Variants in GPRIN2 observed in about 807,000 individuals in gnomAD.
The protein encoded by GPRIN2 is G protein-regulated inducer of neurite outgrowth 2.
In GPRIN2, 1 loss-of-function variant was observed where a neutral mutation model predicts 0.3. The observed-to-expected ratio is 3.90, with a 90% CI of 1.39 to 18.51. The LOEUF (loss-of-function observed/expected upper bound fraction) is 18.51, where lower values mean the gene tolerates loss of function less well. GPRIN2 is among the 30% of genes most tolerant of loss of function. The pLI is 0.11. For missense variants in GPRIN2, 880 were observed against 604.2 expected (o/e 1.46, Z -4.79); for synonymous variants, 361 against 258.6 (o/e 1.40, Z -3.80).
At chr10:46,557,403 C>T (rs1843360158), upstream of GPRIN2, among the ~76,000 whole-genome samples, 1 of 152,298 alleles carries the variant, frequency 6.6e-6, no homozygotes, top group Admixed American at 6.5e-5. Flanking sequence ...CCTAGGGTTG[C>T]ATCTCCAGCC....
rs1555021132 is a variant in GPRIN2 at position 46,550,746 on chromosome 10, C to T, written c.-6-4G>A. On this transcript the variant is annotated splice_polypyrimidine_tract_variant and splice_region_variant and intron_variant, in intron 2 of 2. Transcript: ENST00000374314. ...GGCGGCTGGAGCTCATGGCTGCCTG[C>T]AGAAGAGAGAAAGGGAGGGAGTGGA... The T allele has an allele frequency of 1.3e-6, 2 of 1,500,294 alleles. No homozygotes were observed. The highest frequency in any genetic ancestry group is 2.4e-5 in the Admixed American group (1 of 42,284). The allele number at this position is 1,500,294 out of a possible 1,614,324, so 92.9% of individuals were successfully genotyped here.
In GPRIN2 at chr10:46,550,577, C is replaced by T. The variant is rs1832318300; in HGVS notation, c.160G>A (p.Glu54Lys). 791 of 1,584,214 alleles carry T rather than the reference C, an allele frequency of 5.0e-4. No homozygotes were observed. Among genetic ancestry groups the T allele is most frequent in the South Asian group, 8.0e-4 (69 of 85,884 alleles). The change falls in exon 3 of 3, where the codon GAG (glutamate) becomes AAG (lysine). Residue 54 changes from glutamate to lysine, a missense_variant. Transcript: ENST00000374314. ...SSTVWQAQLGEASTRPQAPEE... is the reference protein window; with the variant it reads ...SSTVWQAQLGKASTRPQAPEE... ...GGGGCCTGGGGTCTGGTGCTGGCCT[C>T]GCCCAGCTGGGCCTGCCACACGGTG...
chr10:46,551,353 C>A, intron 2 of GPRIN2: 2 of 976,986 alleles, frequency 2.0e-6, no homozygotes, highest in Non-Finnish European at 1.2e-6. Flanking sequence ...TCCACAACCA[C>A]CCCCATCCTC....
intron 1 of GPRIN2, among the ~76,000 whole-genome samples, 54 bp downstream of exon 1, chr10:46,556,444 T>C (rs1843238813): frequency 6.6e-6 from 1 of 152,192 alleles, no homozygotes; most frequent in African/African-American, 2.4e-5. Flanking sequence ...AAGGGGGAGG[T>C]GCCGCCCACC....
Position 46,550,180 on chromosome 10 carries a change from G to A in GPRIN2, c.557C>T (p.Ala186Val), listed in dbSNP as rs1555019200. The A allele has an allele frequency of 1.3e-6, 2 of 1,599,310 alleles. No individual in the cohort carries two copies. Among genetic ancestry groups the A allele is most frequent in the Admixed American group, 1.7e-5 (1 of 59,206 alleles). Reference protein sequence around the residue: ...LAPEDETSNSAWMLGASQLSV... With the variant: ...LAPEDETSNSVWMLGASQLSV... ...CAACTGACTCGCCCCCAGCATCCAG[G>A]CTGAGTTAGAAGTCTCATCCTCAGG... Residue 186 changes from alanine to valine, a missense_variant, in exon 3 of 3, where the codon GCC becomes GTC. By Grantham distance (64) the Ala-to-Val change is moderately conservative. Coordinates refer to ENST00000374314, the MANE Select transcript of GPRIN2 (RefSeq NM_001385282.1).
rs2133147526 is a variant in GPRIN2, at chr10:46,543,154, G to A, written c.*6206C>T. Among the ~76,000 whole-genome samples the A allele has an allele frequency of 6.6e-6, 1 of 152,428 alleles. No individual in the cohort carries two copies. Among genetic ancestry groups the A allele is most frequent in the South Asian group, 2.1e-4 (1 of 4,834 alleles). On this transcript the variant is annotated 3_prime_UTR_variant, in exon 3 of 3. Transcript: ENST00000374314. Reference sequence around the variant, plus strand: ...TTTGTGTCCAAAGAGGGGAAGGACAGGTGGAGAGAAAGGGCCTAGACCCAT... The same window carrying A: ...TTTGTGTCCAAAGAGGGGAAGGACAAGTGGAGAGAAAGGGCCTAGACCCAT...
chr10:46,546,414 T>C lies in GPRIN2; in HGVS notation c.*2946A>G, dbSNP rs1842165511. On this transcript the variant is annotated 3_prime_UTR_variant, in exon 3 of 3. Transcript: ENST00000374314. ...GGTTTATGCTCCAAAGAACAGAATT[T>C]ACCAGGACAAAATAAACAAGACCAG... 6.6e-6 allele frequency among the ~76,000 whole-genome samples: 1 copy of C among 152,304 alleles called. No individual in the cohort carries two copies. Among genetic ancestry groups the C allele is most frequent in the African/African-American group, 2.4e-5 (1 of 41,486 alleles).
chr10:46,550,370 C>A lies in GPRIN2; in HGVS notation c.367G>T (p.Asp123Tyr). 6.2e-7 allele frequency: 1 copy of A among 1,612,688 alleles called. No individual in the cohort carries two copies. ...CGCATCTGGGTGCTACGGACCAGGT[C>A]TGAATGGCTCCTCTGCATAGCAGCA... is the stretch of plus-strand genomic sequence containing the variant. Reference protein sequence around the residue: ...SAAAMQRSHSDLVRSTQMRGH... With the variant: ...SAAAMQRSHSYLVRSTQMRGH... Residue 123 changes from aspartate to tyrosine, a missense_variant, in exon 3 of 3, where the codon GAC (aspartate) becomes TAC (tyrosine). Asp to Tyr is a radical substitution (Grantham distance 160, BLOSUM62 -3). Transcript: ENST00000374314.
intron 1 of GPRIN2, among the ~76,000 whole-genome samples, 127 bp downstream of exon 1, chr10:46,556,371 A>C (rs1443363464): frequency 6.6e-6 from 1 of 152,306 alleles, no homozygotes; most frequent in Non-Finnish European, 1.5e-5. Flanking sequence ...GGCGCTGGGC[A>C]GGGGCCAGGA....
In GPRIN2 at chr10:46,549,307, C is replaced by A; in HGVS notation, c.*53G>T. 2.7e-5 allele frequency: 39 copies of A among 1,446,856 alleles called. No homozygotes were observed. The highest frequency in any genetic ancestry group is 3.4e-5 in the Non-Finnish European group (37 of 1,099,094). The allele number at this position is 1,446,856 out of a possible 1,614,324, so 89.6% of individuals were successfully genotyped here. On this transcript the variant is annotated 3_prime_UTR_variant, in exon 3 of 3. Coordinates refer to ENST00000374314, the MANE Select transcript of GPRIN2 (RefSeq NM_001385282.1). ...CACGGAGCCCCCACCGTCCCTGGCC[C>A]AGGTCTAGGACTAAGTCAGTGGGCC...
intron 1 of GPRIN2, chr10:46,555,331 G>A (rs1843067952): frequency 6.4e-6 from 1 of 155,074 alleles, no homozygotes; most frequent in Admixed American, 6.5e-5. Context: ...AAACCTATAT[G>A]ATCAGGCAGG....
rs1832850177 is a variant in GPRIN2, at chr10:46,547,449, C to T, written c.*1911G>A. The stretch of plus-strand genomic sequence containing the variant: ...CCTGGTCACCTCCCAACCCAACAAA[C>T]GCTCCAAATGAGCCGCCACTGCAGA... On this transcript the variant is annotated 3_prime_UTR_variant, in exon 3 of 3. Coordinates refer to ENST00000374314, the MANE Select transcript of GPRIN2 (RefSeq NM_001385282.1). Among the ~76,000 whole-genome samples, 61 of 152,374 alleles carry T rather than the reference C, an allele frequency of 4.0e-4. No individual in the cohort carries two copies. The highest frequency in any genetic ancestry group is 9.8e-4 in the Admixed American group (15 of 15,306).
chr10:46,549,850 A>C lies in GPRIN2; in HGVS notation c.887T>G (p.Leu296Arg). 1 of 1,614,268 alleles carries C rather than the reference A, an allele frequency of 6.2e-7. No individual in the cohort carries two copies. The highest frequency in any genetic ancestry group is 1.1e-5 in the South Asian group (1 of 91,092). Residue 296 changes from leucine (L) to arginine (R), a missense_variant, in exon 3 of 3, where the codon CTT becomes CGT. Physicochemically the swap from Leu to Arg is moderately radical, Grantham distance 102. Transcript: ENST00000374314. ...LPGHSHCCAH[L>R]WGPAGLVPEP... Reference sequence around the variant, plus strand: ...TGGGACTAACCCAGCGGGACCCCAAAGGTGGGCACAGCAATGGGAATGCCC... The same window carrying C: ...TGGGACTAACCCAGCGGGACCCCAACGGTGGGCACAGCAATGGGAATGCCC...
rs1256725850 is a variant in GPRIN2, at chr10:46,544,204, C to G, written c.*5156G>C. On this transcript the variant is annotated 3_prime_UTR_variant, in exon 3 of 3. Transcript: ENST00000374314. Reference sequence around the variant, plus strand: ...CCTCAGTCACTTCCCAGAAACCACACAGAGGAGCCCGGGTGTGCCAGAAAC... The same window carrying G: ...CCTCAGTCACTTCCCAGAAACCACAGAGAGGAGCCCGGGTGTGCCAGAAAC... 6.6e-6 allele frequency among the ~76,000 whole-genome samples: 1 copy of G among 152,304 alleles called. No homozygotes were observed. The highest frequency in any genetic ancestry group is 1.5e-5 in the Non-Finnish European group (1 of 68,050).
rs1327874019 is a variant in GPRIN2 at position 46,544,232 on chromosome 10, C to G, written c.*5128G>C. Among the ~76,000 whole-genome samples the G allele has an allele frequency of 6.6e-6, 1 of 152,308 alleles. No homozygotes were observed. Among genetic ancestry groups the G allele is most frequent in the African/African-American group, 2.4e-5 (1 of 41,486 alleles). ...AGGAGCCCGGGTGTGCCAGAAACAG[C>G]CTTTCATAATACAAGATGGACAGGA... On this transcript the variant is annotated 3_prime_UTR_variant, in exon 3 of 3. Coordinates refer to ENST00000374314, the MANE Select transcript of GPRIN2 (RefSeq NM_001385282.1).
upstream of GPRIN2, among the ~76,000 whole-genome samples, chr10:46,556,999 C>A: frequency 6.6e-6 from 1 of 152,242 alleles, no homozygotes; most frequent in Non-Finnish European, 1.5e-5. Context: ...TCAAGTCCAC[C>A]TCCTCGTAGC....
In GPRIN2 at chr10:46,549,286, G is replaced by A; in HGVS notation, c.*74C>T. On this transcript the variant is annotated 3_prime_UTR_variant, in exon 3 of 3. Transcript: ENST00000374314. ...GCTGCCGGTGGGTCCAGGGGGCACG[G>A]AGCCCCCACCGTCCCTGGCCCAGGT... 7.0e-7 allele frequency: 1 copy of A among 1,437,740 alleles called. No homozygotes were observed. The highest frequency in any genetic ancestry group is 9.1e-7 in the Non-Finnish European group (1 of 1,092,994). The allele number at this position is 1,437,740 out of a possible 1,614,324, so 89.1% of individuals were successfully genotyped here.
In GPRIN2 at chr10:46,549,669, C is replaced by T. The variant is rs1832636355; in HGVS notation, c.1068G>A (p.Ala356=). ...CTGGGAACACATGCAGGGCTGCAGG[C>T]GCTTCCAGGGACGGACTGGTGGCCA... ...KAVATSPSLE[A]PAALHVFPEV... The change falls in exon 3 of 3, where the codon GCG becomes GCA. Residue 356 remains alanine, a synonymous_variant. Transcript: ENST00000374314. 71 of 1,613,936 alleles carry T rather than the reference C, an allele frequency of 4.4e-5. No homozygotes were observed. The highest frequency in any genetic ancestry group is 8.8e-5 in the South Asian group (8 of 91,094).
chr10:46,553,495 T>C (rs1842839468), intron 2 of GPRIN2, among the ~76,000 whole-genome samples: 1 of 152,272 alleles, frequency 6.6e-6, no homozygotes, highest in African/African-American at 2.4e-5. Context: ...CCCACCACCC[T>C]CCCAGGGAGG....
Sources: gnomAD v4.1 joint callset for allele counts (sites outside exome capture counted in the v4.1 genomes callset) on GRCh38, gnomAD v4.1.1 for gene constraint, MANE v1.5 for transcripts, NCBI Gene and HGNC (gene_info 2026-07-23, HGNC 2026-07-21) for gene names.